The following SETX variants were observed in gnomAD, a reference collection of about 807,000 sequenced individuals.
SETX encodes helicase senataxin.
In SETX, 90 loss-of-function variants were observed where a neutral mutation model predicts 227.2. The observed-to-expected ratio is 0.40, with a 90% CI of 0.33 to 0.47. The LOEUF (loss-of-function observed/expected upper bound fraction) is 0.47. Ranked by LOEUF, SETX falls within the 20% of genes least tolerant of loss-of-function variation. The pLI, the probability that SETX is intolerant of heterozygous loss-of-function variation, is 0.91. For synonymous variants in SETX, 1,210 were observed against 1,113.2 expected, an observed-to-expected ratio of 1.09 and a Z score of -1.73; for missense variants, 3,052 against 3,181.5, an observed-to-expected ratio of 0.96 and a Z score of 0.98.
In SETX at chr9:132,352,916, G is replaced by A. The variant is rs546057387; in HGVS notation, c.-8+733C>T. On this transcript the variant is annotated intron_variant, in intron 2 of 25. Transcript: ENST00000224140. ...CCTATACGCTCCTTCTCCCTCAGCC[G>A]CAATCTCTGAGCTCCAGAGCCTACC... Among the ~76,000 whole-genome samples the A allele has an allele frequency of 2.6e-5, 4 of 152,172 alleles. No homozygotes were observed. In the East Asian group the frequency reaches 7.7e-4, roughly 29 times the overall value.
chr9:132,301,974 T>TA (rs1335835591), intron 11 of SETX, among the ~76,000 whole-genome samples: 1 of 152,184 alleles, frequency 6.6e-6, no homozygotes, highest in East Asian at 1.9e-4. Flanking sequence ...TGAAGAAATG[T>TA]ACTAAGTTCA....
Position 132,323,633 on chromosome 9 carries a change from G to A in SETX, c.5274+2691C>T, listed in dbSNP as rs116022119. Among the ~76,000 whole-genome samples the A allele has an allele frequency of 9.2e-3, 1,406 of 152,286 alleles. 24 individuals carry two copies. The highest frequency in any genetic ancestry group is 0.033 in the African/African-American group (1,352 of 41,554). On this transcript the variant is annotated intron_variant, in intron 10 of 25. Transcript: ENST00000224140. ...ATATGGAAGGAAGGCCAGGCGGGAT[G>A]GCTCACGCCTGTAATCGTAGCACTT...
chr9:132,339,449 T>A (rs181857507), intron 5 of SETX, among the ~76,000 whole-genome samples: 16 of 152,238 alleles, frequency 1.1e-4, no homozygotes, highest in Admixed American at 3.3e-4. Context: ...CAAGACCCTG[T>A]CTCAAAAAAA....
intron 11 of SETX, 93 bp from the exon 12 acceptor site, chr9:132,300,896 T>C (rs1044971271): frequency 8.2e-7 from 1 of 1,213,996 alleles, no homozygotes; most frequent in Non-Finnish European, 1.1e-6. Flanking sequence ...TTGTATTAAG[T>C]TCAAAAATAC....
intron 11 of SETX, among the ~76,000 whole-genome samples, chr9:132,306,993 G>T (rs1270621166): frequency 6.6e-6 from 1 of 152,182 alleles, no homozygotes; most frequent in Non-Finnish European, 1.5e-5. Context: ...GGTGGCTCAC[G>T]CCTGTAATCC....
Position 132,264,868 on chromosome 9 carries a change from G to A in SETX, c.7405C>T (p.Leu2469=), listed in dbSNP as rs1271556694. ...AVKILKLKPV[L]QRSLTHPPTI... is the part of the protein sequence containing the mutation. ...GGAGGGTGAGTGAGACTTCTCTGCA[G>A]CACAGGCTTGAGTTTCAGAATCTTC... is the stretch of plus-strand genomic sequence containing the variant. The change falls in exon 26 of 26, where the codon CTG becomes TTG. Residue 2469 remains leucine (L), a synonymous_variant. Coordinates refer to ENST00000224140, the MANE Select transcript of SETX (RefSeq NM_015046.7). 10 of 1,614,138 alleles carry A rather than the reference G, an allele frequency of 6.2e-6. No homozygotes were observed. Among genetic ancestry groups the A allele is most frequent in the Non-Finnish European group, 8.5e-6 (10 of 1,179,986 alleles).
rs1403462469 is a variant in SETX at position 132,342,779 on chromosome 9, G to C, written c.409C>G (p.Leu137Val). Residue 137 changes from leucine (L) to valine (V), a missense_variant, in exon 5 of 26, where the codon CTT becomes GTT. This residue lies in a region of SETX where 10 missense variants were observed against 31.4 expected (regional missense o/e 0.32). Transcript: ENST00000224140. ...ERVNELCVEA[L>V]CRMEQANCSF... ...CAATTGGCTTGTTCCATCCGACAAAGTGCTTCAACACATAACTCGTCTAAA... is the reference window on the plus strand; with the variant it reads ...CAATTGGCTTGTTCCATCCGACAAACTGCTTCAACACATAACTCGTCTAAA... 2 of 1,613,580 alleles carry C rather than the reference G, an allele frequency of 1.2e-6. No individual in the cohort carries two copies. The highest frequency in any genetic ancestry group is 1.7e-5 in the Admixed American group (1 of 60,020).
chr9:132,296,119 T>G, intron 14 of SETX, 91 bp from the exon 15 acceptor site: 1 of 1,470,232 alleles, frequency 6.8e-7, no homozygotes, highest in Admixed American at 1.7e-5. Flanking sequence ...TTTACTTCCA[T>G]GTATTTTTGA....
intron 9 of SETX, 36 bp from the exon 10 acceptor site, chr9:132,330,535 A>G (rs1847155969): frequency 1.3e-6 from 2 of 1,578,724 alleles, no homozygotes; most frequent in East Asian, 4.5e-5. Context: ...CAGATAAATA[A>G]GCACCACTTA....
intron 18 of SETX, among the ~76,000 whole-genome samples, chr9:132,285,089 G>C (rs1318059204): frequency 6.6e-6 from 1 of 152,052 alleles, no homozygotes; most frequent in African/African-American, 2.4e-5. Flanking sequence ...GTGTTAGCCA[G>C]GATGGTCTCA....
At chr9:132,276,918 A>C (rs1319777202) in intron 22 of SETX, 142 bp downstream of exon 22, 8 of 742,918 alleles carry the variant, frequency 1.1e-5, no homozygotes, top group East Asian at 2.7e-5. Context: ...CAGAAAAAAG[A>C]AGCATCAACT....
intron 11 of SETX, among the ~76,000 whole-genome samples, chr9:132,310,846 G>A (rs1225657432): frequency 6.6e-6 from 1 of 152,114 alleles, no homozygotes; most frequent in African/African-American, 2.4e-5. Flanking sequence ...CCTTTATGAT[G>A]ATCCGTTTCA....
intron 13 of SETX, among the ~76,000 whole-genome samples, 183 bp downstream of exon 13, chr9:132,297,896 CT>C (rs1472003378): frequency 1.3e-5 from 2 of 152,280 alleles, no homozygotes; most frequent in East Asian, 3.9e-4. Flanking sequence ...TGTACTGTAC[CT>C]TTTCCTGAAG....
At position 132,305,526 on chromosome 9, in the gene SETX, A is replaced by G. The variant is rs568700861; in HGVS notation, c.5375-4723T>C. Among the ~76,000 whole-genome samples, 97 of 152,286 alleles carry G rather than the reference A, an allele frequency of 6.4e-4. 1 individual carries two copies. Among genetic ancestry groups the G allele is most frequent in the African/African-American group, 2.2e-3 (92 of 41,576 alleles). Reference sequence around the variant, plus strand: ...CCACCTTAACAAAGCGATGCAAGTTAGTATCACCAGCAATGAGATTTATCA... The same window carrying G: ...CCACCTTAACAAAGCGATGCAAGTTGGTATCACCAGCAATGAGATTTATCA... On this transcript the variant is annotated intron_variant, in intron 11 of 25. Transcript: ENST00000224140.
intron 25 of SETX, 170 bp downstream of exon 25, chr9:132,269,445 A>T: frequency 6.3e-7 from 1 of 1,580,378 alleles, no homozygotes; most frequent in African/African-American, 1.3e-5. Flanking sequence ...GGCTGAAAAA[A>T]GGCGAATGGT....
At chr9:132,294,767 G>A (rs1844569123) in intron 15 of SETX, among the ~76,000 whole-genome samples, 1 of 152,184 alleles carries the variant, frequency 6.6e-6, no homozygotes, top group African/African-American at 2.4e-5. Flanking sequence ...CTGACCGCAG[G>A]TGCACTCGAG....
intron 5 of SETX, among the ~76,000 whole-genome samples, chr9:132,342,360 C>T (rs1158365432): frequency 3.3e-5 from 5 of 152,070 alleles, no homozygotes; most frequent in Non-Finnish European, 7.3e-5. Context: ...ATGTTTTAAC[C>T]GGTATCTCCA....
chr9:132,279,791 T>C (rs943020339), intron 20 of SETX, among the ~76,000 whole-genome samples: 3 of 152,188 alleles, frequency 2.0e-5, no homozygotes, highest in Non-Finnish European at 4.4e-5. Flanking sequence ...GACAAAACCT[T>C]AGTCCATTCT....
At chr9:132,287,430 TA>T (rs1237342531) in intron 17 of SETX, among the ~76,000 whole-genome samples, 1 of 152,172 alleles carries the variant, frequency 6.6e-6, no homozygotes, top group Non-Finnish European at 1.5e-5. Context: ...AGCTTGAGGC[TA>T]AATTGAACCA....
Sources: gnomAD v4.1 joint callset for allele counts (sites outside exome capture counted in the v4.1 genomes callset) on GRCh38, gnomAD v4.1.1 for gene constraint, gnomAD v4.1.1 regional missense constraint, MANE v1.5 for transcripts, NCBI Gene and HGNC (gene_info 2026-07-23, HGNC 2026-07-21) for gene names.